Variants in CACNA1C observed in about 807,000 individuals in gnomAD.
The protein encoded by CACNA1C is voltage-dependent L-type calcium channel subunit alpha-1C.
CACNA1C carries 30 observed loss-of-function variants against 229.0 expected under a neutral mutation model. The observed-to-expected ratio is 0.13, with a 90% CI of 0.10 to 0.18. CACNA1C has a LOEUF of 0.18. CACNA1C is among the 10% of genes least tolerant of loss of function. CACNA1C has a pLI of 1.00. For synonymous variants in CACNA1C, 1,114 were observed against 1,132.5 expected (o/e 0.98, Z 0.33); for missense variants, 1,658 against 2,845.0 (o/e 0.58, Z 9.49).
chr12:2,052,790 T>C (rs2052619361), upstream of CACNA1C, among the ~76,000 whole-genome samples: 1 of 144,248 alleles, frequency 6.9e-6, no homozygotes, highest in Non-Finnish European at 1.5e-5. Flanking sequence ...GGGCCCGACT[T>C]CGGGCTCCAG....
chr12:1,975,868 C>G lies in CACNA1C; in HGVS notation c.139+4667C>G, dbSNP rs965273351. Reference sequence around the variant, plus strand: ...TCACATGAAGGTTCTCTCCGTGAGTCCCCTGGCAGTTATGATGGAGAAGTA... The same window carrying G: ...TCACATGAAGGTTCTCTCCGTGAGTGCCCTGGCAGTTATGATGGAGAAGTA... On this transcript the variant is annotated intron_variant, in intron 1 of 46. Coordinates refer to the CACNA1C transcript ENST00000682462. 3.3e-5 allele frequency among the ~76,000 whole-genome samples: 5 copies of G among 152,084 alleles called. No homozygotes were observed. The East Asian group carries it at 7.7e-4, about 23-fold the overall frequency.
chr12:2,609,261 A>G (rs1568764927), intron 27 of CACNA1C, among the ~76,000 whole-genome samples: 1 of 152,090 alleles, frequency 6.6e-6, no homozygotes, highest in Non-Finnish European at 1.5e-5. Context: ...GCCGTGGCTG[A>G]GTCAGGAAGC....
At chr12:2,190,529 C>A (rs919935416) in intron 3 of CACNA1C, among the ~76,000 whole-genome samples, 1 of 152,182 alleles carries the variant, frequency 6.6e-6, no homozygotes, top group African/African-American at 2.4e-5. Context: ...TCATTACGCA[C>A]TCAATGAAGA....
rs2061757498 is a variant in CACNA1C, at chr12:2,584,670, T to C, written c.2339+53T>C. 2.5e-6 allele frequency: 3 copies of C among 1,205,616 alleles called. No individual in the cohort carries two copies. The East Asian group carries it at 7.0e-5, about 28-fold the overall frequency. The allele number at this position is 1,205,616 out of a possible 1,614,324, so 74.7% of individuals were successfully genotyped here. A position where few individuals can be genotyped will look rare whatever the true frequency, so the allele number is the denominator to read the frequency against. On this transcript the variant is annotated intron_variant, in intron 16 of 46. Transcript: ENST00000399655. ...GGGCTCCAGGGCTCCCATTGTGGAA[T>C]GTCTTCCCACTGGTGGCAGAGAGAG...
At chr12:2,212,874 CCT>C (rs1375426918) in intron 3 of CACNA1C, among the ~76,000 whole-genome samples, 2 of 152,192 alleles carry the variant, frequency 1.3e-5, no homozygotes, top group East Asian at 3.8e-4. Context: ...TGCATTTTCT[CCT>C]CTGACATCAG....
chr12:2,401,893 G>A (rs1399198814), intron 3 of CACNA1C, among the ~76,000 whole-genome samples: 1 of 152,234 alleles, frequency 6.6e-6, no homozygotes, highest in Non-Finnish European at 1.5e-5. Flanking sequence ...CAATGAGAAG[G>A]AAGGGAGTAA....
intron 3 of CACNA1C, among the ~76,000 whole-genome samples, chr12:2,447,340 C>T (rs975605541): frequency 2.0e-5 from 3 of 152,164 alleles, no homozygotes; most frequent in African/African-American, 7.2e-5. Context: ...AAGGGAAGGA[C>T]GAATCTGCCT....
At chr12:2,139,173 C>G (rs2093877653) in intron 3 of CACNA1C, among the ~76,000 whole-genome samples, 1 of 150,934 alleles carries the variant, frequency 6.6e-6, no homozygotes, top group Non-Finnish European at 1.5e-5. Flanking sequence ...GTTCCGTGCT[C>G]CTGCCCTGGC....
At chr12:2,039,077 T>G (rs73044447) in intron 1 of CACNA1C, among the ~76,000 whole-genome samples, 7,705 of 152,280 alleles carry the variant, frequency 0.051, 270 homozygotes, top group Middle Eastern at 0.078. Flanking sequence ...TGAATATTGG[T>G]CTATGAGGCC....
chr12:2,071,944 C>T (rs1057035682), intron 1 of CACNA1C, among the ~76,000 whole-genome samples: 17 of 152,150 alleles, frequency 1.1e-4, no homozygotes, highest in Admixed American at 2.6e-4. Context: ...AAATTTGAAC[C>T]TGTGTTTTAT....
At chr12:2,462,650 A>G (rs973788518) in intron 5 of CACNA1C, among the ~76,000 whole-genome samples, 18 of 152,202 alleles carry the variant, frequency 1.2e-4, no homozygotes, top group African/African-American at 4.3e-4. Flanking sequence ...ATAGCTTCAC[A>G]TCACAGGCCC....
At chr12:2,473,304 C>T (rs1037763889) in intron 5 of CACNA1C, among the ~76,000 whole-genome samples, 17 of 152,328 alleles carry the variant, frequency 1.1e-4, no homozygotes, top group Admixed American at 1.0e-3. Context: ...ATCTACCTCG[C>T]TGTCTCTTCT....
intron 29 of CACNA1C, among the ~76,000 whole-genome samples, chr12:2,618,928 A>G (rs2153489156): frequency 6.6e-6 from 1 of 152,326 alleles, no homozygotes; most frequent in Non-Finnish European, 1.5e-5. Flanking sequence ...CTCTGCCTCC[A>G]CCTGCACCGC....
intron 4 of CACNA1C, among the ~76,000 whole-genome samples, chr12:2,456,780 C>T (rs1483614429): frequency 6.6e-6 from 1 of 152,210 alleles, no homozygotes; most frequent in Non-Finnish European, 1.5e-5. Flanking sequence ...ACTCATCACT[C>T]TAAGCTGCAG....
intron 3 of CACNA1C, among the ~76,000 whole-genome samples, chr12:2,256,689 C>CAGCCACATCCTTTCT (rs1283206325): frequency 6.6e-6 from 1 of 152,068 alleles, no homozygotes; most frequent in Non-Finnish European, 1.5e-5. Flanking sequence ...GTCAGCATTG[C>CAGCCACATCCTTTCT]AGCCACATCC....
At chr12:2,344,442 T>A (rs2096949869) in intron 3 of CACNA1C, among the ~76,000 whole-genome samples, 1 of 152,118 alleles carries the variant, frequency 6.6e-6, no homozygotes, top group Non-Finnish European at 1.5e-5. Context: ...CTCCTGTGAG[T>A]CTGTCCCCTC....
chr12:2,025,667 T>A (rs2047198272), intron 1 of CACNA1C, among the ~76,000 whole-genome samples: 1 of 152,150 alleles, frequency 6.6e-6, no homozygotes, highest in African/African-American at 2.4e-5. Flanking sequence ...CTCCAATAAC[T>A]CCTCTTGGAG....
chr12:2,381,170 G>A (rs1485829935), intron 3 of CACNA1C, among the ~76,000 whole-genome samples: 2 of 152,204 alleles, frequency 1.3e-5, no homozygotes, highest in East Asian at 1.9e-4. Context: ...CTGAATGGAG[G>A]AAGGGAGGTT....
intron 8 of CACNA1C, among the ~76,000 whole-genome samples, chr12:2,507,488 C>G (rs999264240): frequency 6.6e-6 from 1 of 152,204 alleles, no homozygotes; most frequent in Non-Finnish European, 1.5e-5. Context: ...AATAGTCACA[C>G]ACTTACTGGG....
Sources: allele counts gnomAD v4.1 joint callset (sites outside exome capture counted in the v4.1 genomes callset), GRCh38; gene constraint gnomAD v4.1.1; transcripts MANE v1.5; gene names NCBI Gene and HGNC (gene_info 2026-07-23, HGNC 2026-07-21).